TSHR: variants seen among roughly 807,000 people sequenced by gnomAD.
TSHR encodes the protein thyrotropin receptor.
TSHR carries 51 observed loss-of-function variants against 64.1 expected under a neutral mutation model. The observed-to-expected ratio is 0.80, with a 90% CI of 0.64 to 1.01. TSHR has a LOEUF of 1.01. Ranked by LOEUF, TSHR falls within the 50% of genes least tolerant of loss-of-function variation. The probability of loss-of-function intolerance (pLI) is 0.00; values close to 1 mark genes in which losing one functional copy is unlikely to be tolerated. For missense variants in TSHR, 877 were observed against 942.8 expected (o/e 0.93, Z 0.91); for synonymous variants, 361 against 361.9 (o/e 1.00, Z 0.03).
At chr14:80,972,382 T>A (rs1239309569) in intron 1 of TSHR, among the ~76,000 whole-genome samples, 2 of 152,176 alleles carry the variant, frequency 1.3e-5, no homozygotes, top group Non-Finnish European at 2.9e-5. Flanking sequence ...GTGTTCACAG[T>A]GGTCTTCCTT....
intron 1 of TSHR, among the ~76,000 whole-genome samples, chr14:81,007,572 C>T (rs1430319026): frequency 6.6e-6 from 1 of 152,204 alleles, no homozygotes; most frequent in Non-Finnish European, 1.5e-5. Flanking sequence ...TCCACATGTC[C>T]TATCACTGAT....
intron 1 of TSHR, chr14:80,982,730 T>A: frequency 1.2e-6 from 1 of 802,978 alleles, no homozygotes; most frequent in Non-Finnish European, 1.9e-6. Context: ...TCATATATTG[T>A]TTTGGCCTCA....
intron 1 of TSHR, among the ~76,000 whole-genome samples, chr14:80,991,246 G>A (rs1888712579): frequency 6.6e-6 from 1 of 152,050 alleles, no homozygotes; most frequent in African/African-American, 2.4e-5. Flanking sequence ...GTTTACCAGT[G>A]CACATGACAA....
intron 1 of TSHR, among the ~76,000 whole-genome samples, chr14:81,005,757 C>T (rs1889568374): frequency 6.6e-6 from 1 of 152,074 alleles, no homozygotes; most frequent in African/African-American, 2.4e-5. Flanking sequence ...TCGGGTATGA[C>T]GTCAGTAAGG....
At chr14:81,056,909 C>T (rs973851363) in intron 1 of TSHR, among the ~76,000 whole-genome samples, 12 of 152,084 alleles carry the variant, frequency 7.9e-5, no homozygotes, top group African/African-American at 2.9e-4. Flanking sequence ...ATTTACTATA[C>T]CACCCAAAAT....
chr14:80,985,120 G>A (rs1156624148), intron 1 of TSHR, among the ~76,000 whole-genome samples: 7 of 152,136 alleles, frequency 4.6e-5, no homozygotes, highest in Admixed American at 3.9e-4. Context: ...TGTGGTGGCG[G>A]GCGCCTGTAG....
Position 81,070,496 on chromosome 14 carries a change from G to A in TSHR, c.317+2168G>A, listed in dbSNP as rs544928815. ...ACAAAAATTTGCCGGGCATGGTGGT[G>A]TGTCCCTGTAATCCCAGCTACTCGG... On this transcript the variant is annotated intron_variant, in intron 3 of 9. Coordinates refer to ENST00000298171, the MANE Select transcript of TSHR (RefSeq NM_000369.5). 4.0e-5 allele frequency among the ~76,000 whole-genome samples: 6 copies of A among 151,802 alleles called. No homozygotes were observed. The South Asian group carries it at 8.4e-4, about 21-fold the overall frequency.
intron 1 of TSHR, among the ~76,000 whole-genome samples, chr14:81,061,699 G>A (rs1249259654): frequency 6.6e-6 from 1 of 151,980 alleles, no homozygotes; most frequent in East Asian, 1.9e-4. Flanking sequence ...ACTAGGCTTA[G>A]TACCTGAGTG....
intron 1 of TSHR, among the ~76,000 whole-genome samples, chr14:80,986,807 A>G (rs550688605): frequency 6.6e-6 from 1 of 152,244 alleles, no homozygotes; most frequent in Admixed American, 6.5e-5. Flanking sequence ...ATTCTATCAC[A>G]CTATTTTAAT....
chr14:80,955,970 G>A, intron 1 of TSHR, 120 bp downstream of exon 1: 1 of 1,202,828 alleles, frequency 8.3e-7, no homozygotes, highest in Non-Finnish European at 1.2e-6. Context: ...GTGTGTATGT[G>A]TGAGTGAATG....
At chr14:80,958,328 C>T (rs1886821479) in intron 1 of TSHR, 1 of 152,146 alleles carries the variant, frequency 6.6e-6, no homozygotes. Flanking sequence ...CTCAATGTTG[C>T]ACAGCTTGTA....
Position 81,119,535 on chromosome 14 carries a change from G to C in TSHR, c.692+11083G>C, listed in dbSNP as rs1374607826. On this transcript the variant is annotated intron_variant, in intron 8 of 9. Transcript: ENST00000298171. ...ATTAAAAAGTCAGGAAACAACAGGT[G>C]CTGGAGAGGATGTGGAGAAATAGGA... Among the ~76,000 whole-genome samples, 33 of 130,622 alleles carry C rather than the reference G, an allele frequency of 2.5e-4. 2 individuals are homozygous for C. Among genetic ancestry groups the C allele is most frequent in the African/African-American group, 1.0e-3 (32 of 31,426 alleles). 85.7% of individuals were successfully genotyped at this position (130,622 alleles called of 152,430 possible).
chr14:81,101,822 T>A (rs1263722832), intron 7 of TSHR, among the ~76,000 whole-genome samples: 1 of 151,416 alleles, frequency 6.6e-6, no homozygotes, highest in African/African-American at 2.4e-5. Flanking sequence ...ACATGGGGAG[T>A]GTGTGCACAC....
intron 8 of TSHR, among the ~76,000 whole-genome samples, chr14:81,126,233 G>A (rs1891015205): frequency 6.6e-6 from 1 of 152,208 alleles, no homozygotes; most frequent in Non-Finnish European, 1.5e-5. Flanking sequence ...TGGGTTGCCT[G>A]CTGGTGGGAG....
intron 3 of TSHR, among the ~76,000 whole-genome samples, chr14:81,070,255 G>A (rs1414361647): frequency 2.6e-5 from 4 of 152,116 alleles, no homozygotes; most frequent in East Asian, 1.9e-4. Flanking sequence ...TGCAAACCCC[G>A]AAAGGATAAA....
intron 9 of TSHR, among the ~76,000 whole-genome samples, chr14:81,142,389 C>CT (rs1039173144): frequency 9.1e-4 from 132 of 144,584 alleles, no homozygotes; most frequent in Middle Eastern, 3.6e-3. Context: ...CACTTGGCCA[C>CT]TTTTTTTTTT....
chr14:81,070,938 G>C (rs1887023546), intron 3 of TSHR, among the ~76,000 whole-genome samples: 1 of 152,156 alleles, frequency 6.6e-6, no homozygotes, highest in Non-Finnish European at 1.5e-5. Context: ...AGACATTTCT[G>C]TGCAGGAAGA....
intron 2 of TSHR, among the ~76,000 whole-genome samples, chr14:81,063,218 G>T (rs1358431180): frequency 6.6e-6 from 1 of 151,876 alleles, no homozygotes; most frequent in African/African-American, 2.4e-5. Context: ...CCTTGATATT[G>T]CTCTCTCATT....
chr14:80,990,707 C>T (rs867243901), intron 1 of TSHR, among the ~76,000 whole-genome samples: 2 of 151,822 alleles, frequency 1.3e-5, no homozygotes, highest in South Asian at 4.2e-4. Context: ...CAGGCTGGAG[C>T]GCAATGGCAC....
Sources: allele counts gnomAD v4.1 joint callset (sites outside exome capture counted in the v4.1 genomes callset), GRCh38; gene constraint gnomAD v4.1.1; transcripts MANE v1.5; gene names NCBI Gene and HGNC (gene_info 2026-07-23, HGNC 2026-07-21).